Variants in IL10RB observed in about 807,000 individuals in gnomAD.
IL10RB encodes the protein interleukin 10 receptor subunit beta.
In IL10RB, 30 loss-of-function variants were observed where a neutral mutation model predicts 38.7. The ratio of observed to expected loss-of-function variants is 0.78; its 90% CI spans 0.58 to 1.05. The LOEUF (loss-of-function observed/expected upper bound fraction) is 1.05. Among genes scored for constraint, IL10RB ranks in the 50% least tolerant of loss-of-function variants. IL10RB has a pLI of 0.00. For missense variants in IL10RB, 328 were observed against 397.1 expected, an observed-to-expected ratio of 0.83 and a Z score of 1.48; for synonymous variants, 142 against 145.9, an observed-to-expected ratio of 0.97 and a Z score of 0.19.
intron 4 of IL10RB, 57 bp downstream of exon 4, chr21:33,279,975 C>A: frequency 2.7e-6 from 4 of 1,502,302 alleles, no homozygotes; most frequent in Non-Finnish European, 3.7e-6. Context: ...TTTGCAGAAT[C>A]TTGCAAGGTG....
At chr21:33,292,136 C>A (rs1989500869) in intron 6 of IL10RB, among the ~76,000 whole-genome samples, 1 of 152,208 alleles carries the variant, frequency 6.6e-6, no homozygotes, top group African/African-American at 2.4e-5. Context: ...ACGTCCTTGT[C>A]CCTAACCTTC....
chr21:33,269,752 G>A (rs979943330), intron 2 of IL10RB, among the ~76,000 whole-genome samples: 4 of 150,994 alleles, frequency 2.6e-5, no homozygotes, highest in African/African-American at 2.4e-5. Flanking sequence ...TCTGCCTCTC[G>A]GGTTCACGCC....
intron 1 of IL10RB, among the ~76,000 whole-genome samples, chr21:33,303,840 C>T (rs1218551818): frequency 6.6e-6 from 1 of 152,190 alleles, no homozygotes; most frequent in East Asian, 1.9e-4. Flanking sequence ...CTGGAGAGAA[C>T]ACAGGCCAGG....
At chr21:33,282,218 G>A (rs1441135911) in intron 4 of IL10RB, among the ~76,000 whole-genome samples, 3 of 152,004 alleles carry the variant, frequency 2.0e-5, no homozygotes, top group Non-Finnish European at 2.9e-5. Flanking sequence ...TGCTGTCAAC[G>A]ACCCCAACCC....
chr21:33,278,762 A>T (rs1989226488), intron 3 of IL10RB, among the ~76,000 whole-genome samples: 1 of 152,216 alleles, frequency 6.6e-6, no homozygotes, highest in African/African-American at 2.4e-5. Context: ...ATCATGCATA[A>T]CCTATTTATA....
chr21:33,278,046 CAAAAAAAA>C (rs58709699), intron 3 of IL10RB, among the ~76,000 whole-genome samples: 1 of 118,910 alleles, frequency 8.4e-6, no homozygotes, highest in East Asian at 2.4e-4. Context: ...AAAAAAATAC[CAAAAAAAA>C]AAAAAAAAAA....
intron 4 of IL10RB, 39 bp from the exon 5 acceptor site, chr21:33,283,055 A>G (rs1989307752): frequency 2.6e-6 from 4 of 1,560,532 alleles, no homozygotes; most frequent in Admixed American, 3.3e-5. Context: ...GTGCCCTTCC[A>G]CTGCTTAGTC....
chr21:33,272,420 T>C (rs1409368459), intron 2 of IL10RB, among the ~76,000 whole-genome samples: 1 of 152,130 alleles, frequency 6.6e-6, no homozygotes, highest in Non-Finnish European at 1.5e-5. Context: ...TCCTCACTTT[T>C]TTATTTTATT....
At chr21:33,283,862 AT>A (rs1262254808) in intron 5 of IL10RB, among the ~76,000 whole-genome samples, 1 of 152,230 alleles carries the variant, frequency 6.6e-6, no homozygotes, top group African/African-American at 2.4e-5. Flanking sequence ...TTGCAGTTGC[AT>A]GTTGGTGAAA....
intron 6 of IL10RB, among the ~76,000 whole-genome samples, chr21:33,292,775 C>G (rs990996838): frequency 6.6e-6 from 1 of 152,222 alleles, no homozygotes. Flanking sequence ...CCACCCCAGA[C>G]ACTTCAAGGA....
rs76091452 is a variant in IL10RB at position 33,279,159 on chromosome 21, A to G, written c.332-593A>G. Among the ~76,000 whole-genome samples, 818 of 152,372 alleles carry G rather than the reference A, an allele frequency of 5.4e-3. 6 individuals are homozygous for G. Among genetic ancestry groups the G allele is most frequent in the African/African-American group, 0.019 (778 of 41,588 alleles). On this transcript the variant is annotated intron_variant, in intron 3 of 6. Coordinates refer to ENST00000290200, the MANE Select transcript of IL10RB (RefSeq NM_000628.5). ...AGAAAGTAATGGGAGCTGCACTTCT[A>G]CATAGAATGGTAAGATACAGTCTCT...
intron 2 of IL10RB, among the ~76,000 whole-genome samples, chr21:33,271,456 C>T (rs1989078489): frequency 1.3e-5 from 2 of 152,178 alleles, no homozygotes; most frequent in South Asian, 2.1e-4. Context: ...AGGCCAGGCG[C>T]GGTGGCTCAT....
chr21:33,278,843 G>A (rs1989227967), intron 3 of IL10RB, among the ~76,000 whole-genome samples: 1 of 152,234 alleles, frequency 6.6e-6, no homozygotes, highest in Non-Finnish European at 1.5e-5. Context: ...AATGATGGAA[G>A]CAGGTCCATT....
intron 6 of IL10RB, among the ~76,000 whole-genome samples, chr21:33,290,918 G>A (rs893125429): frequency 6.6e-6 from 1 of 152,180 alleles, no homozygotes; most frequent in African/African-American, 2.4e-5. Flanking sequence ...ATTCTCTCAC[G>A]GTTCTCGAGG....
chr21:33,306,739 G>A (rs1258330709), intron 1 of IL10RB, among the ~76,000 whole-genome samples: 1 of 152,022 alleles, frequency 6.6e-6, no homozygotes, highest in Non-Finnish European at 1.5e-5. Context: ...GTCTCACTTT[G>A]TTGCCCAGGC....
chr21:33,286,363 G>T (rs886335519), intron 5 of IL10RB, among the ~76,000 whole-genome samples: 8 of 152,172 alleles, frequency 5.3e-5, no homozygotes, highest in African/African-American at 1.9e-4. Flanking sequence ...TGCTGTGCTC[G>T]TGAGGGCGGT....
intron 1 of IL10RB, among the ~76,000 whole-genome samples, chr21:33,306,147 C>T (rs2082998443): frequency 6.6e-6 from 1 of 151,994 alleles, no homozygotes; most frequent in Non-Finnish European, 1.5e-5. Flanking sequence ...GCATTTTATA[C>T]AAGAAGTCTC....
At chr21:33,301,995 A>G (rs928443447), downstream of IL10RB, among the ~76,000 whole-genome samples, 3 of 152,198 alleles carry the variant, frequency 2.0e-5, no homozygotes, top group African/African-American at 7.2e-5. Context: ...ATGGAAAGCG[A>G]CACAGGTGAC....
chr21:33,283,581 A>G (rs1447468492), intron 5 of IL10RB, among the ~76,000 whole-genome samples: 2 of 152,200 alleles, frequency 1.3e-5, no homozygotes, highest in African/African-American at 4.8e-5. Context: ...GCAGAGCTCA[A>G]GCCCTGTCAC....
Sources: gnomAD v4.1 joint callset for allele counts (sites outside exome capture counted in the v4.1 genomes callset) on GRCh38, gnomAD v4.1.1 for gene constraint, MANE v1.5 for transcripts, NCBI Gene and HGNC (gene_info 2026-07-23, HGNC 2026-07-21) for gene names.